The following UGT1A10 variants were observed in gnomAD, a reference collection of about 807,000 sequenced individuals.
UGT1A10 encodes UDP glucuronosyltransferase family 1 member A10, also known as UDP-glucuronosyltransferase 1A10.
In UGT1A10, 49 loss-of-function variants were observed where a neutral mutation model predicts 45.8. That is an observed-to-expected ratio of 1.07 (90% CI 0.85 to 1.36). The LOEUF is 1.36. UGT1A10 is among the 40% of genes most tolerant of loss of function. The pLI is 0.00. For missense variants in UGT1A10, 745 were observed against 668.6 expected (o/e 1.11, Z -1.26); for synonymous variants, 284 against 249.7 (o/e 1.14, Z -1.29).
intron 1 of UGT1A10, among the ~76,000 whole-genome samples, chr2:233,662,885 T>C (rs1175022297): frequency 6.6e-6 from 1 of 152,076 alleles, no homozygotes; most frequent in Non-Finnish European, 1.5e-5. Context: ...ACTATTAAGA[T>C]TGCTACATGG....
At chr2:233,684,565 T>C (rs1023847969) in intron 1 of UGT1A10, among the ~76,000 whole-genome samples, 1 of 152,232 alleles carries the variant, frequency 6.6e-6, no homozygotes, top group South Asian at 2.1e-4. Flanking sequence ...GAGAGATCTA[T>C]AAAATATGAA....
intron 1 of UGT1A10, chr2:233,681,987 T>A: frequency 6.2e-7 from 1 of 1,614,188 alleles, no homozygotes; most frequent in Non-Finnish European, 8.5e-7. Context: ...GTGTGTCTAC[T>A]GCTGACCTGT....
chr2:233,717,734 G>A lies in UGT1A10; in HGVS notation c.856-49300G>A, dbSNP rs563372947. The stretch of plus-strand genomic sequence containing the variant: ...CCTCATGGGCATGAGACCATTGTGA[G>A]TGCTCAGGGTCTCCCCCTAGAAAGG... On this transcript the variant is annotated intron_variant, in intron 1 of 4. Transcript: ENST00000344644. 8.8e-6 allele frequency: 4 copies of A among 456,274 alleles called. No homozygotes were observed. The East Asian group carries it at 2.1e-4, about 24-fold the overall frequency. 28.3% of individuals were successfully genotyped at this position (456,274 alleles called of 1,614,324 possible). A position where few individuals can be genotyped will look rare whatever the true frequency, so the allele number is the denominator to read the frequency against.
intron 1 of UGT1A10, among the ~76,000 whole-genome samples, chr2:233,704,709 C>T (rs192586332): frequency 2.6e-5 from 4 of 152,180 alleles, no homozygotes; most frequent in African/African-American, 7.2e-5. Flanking sequence ...TTTCTTAGCC[C>T]AATTTGCCTT....
intron 1 of UGT1A10, chr2:233,693,417 T>C: frequency 6.2e-7 from 1 of 1,614,112 alleles, no homozygotes; most frequent in Non-Finnish European, 8.5e-7. Flanking sequence ...ACCCTGAACT[T>C]CTTTAAGGAG....
At chr2:233,742,268 G>C (rs1474936757) in intron 1 of UGT1A10, among the ~76,000 whole-genome samples, 3 of 152,000 alleles carry the variant, frequency 2.0e-5, no homozygotes, top group African/African-American at 7.3e-5. Flanking sequence ...CAGCAAGCCT[G>C]TGATAAGCAT....
Position 233,760,681 on chromosome 2 carries a change from C to A in UGT1A10, c.856-6353C>A, listed in dbSNP as rs769242961. The A allele has an allele frequency of 2.5e-6, 4 of 1,614,246 alleles. No homozygotes were observed. In the South Asian group the frequency reaches 4.4e-5, roughly 18 times the overall value. On this transcript the variant is annotated intron_variant, in intron 1 of 4. Transcript: ENST00000344644. ...TTTGTCTGGCTGTTCCCACTTACTG[C>A]ACAACAAGGAGCTCATGGCCTCCCT... is the stretch of plus-strand genomic sequence containing the variant.
chr2:233,768,630 A>T (rs1213250960), intron 4 of UGT1A10, among the ~76,000 whole-genome samples, 191 bp downstream of exon 4: 3 of 121,000 alleles, frequency 2.5e-5, no homozygotes, highest in African/African-American at 9.7e-5. Flanking sequence ...TCTGTCACCT[A>T]GGCTGGAGTG....
chr2:233,772,410 C>A lies in UGT1A10; in HGVS notation c.1444C>A (p.Gln482Lys). ...CGCAGCCCACGACCTCACCTGGTAC[C>A]AGTACCATTCCTTGGACGTGATTGG... Reference protein sequence around the residue: ...RPAAHDLTWYQYHSLDVIGFL... With the variant: ...RPAAHDLTWYKYHSLDVIGFL... Residue 482 changes from glutamine to lysine, a missense_variant, in exon 5 of 5, where the codon CAG becomes AAG. Coordinates refer to ENST00000344644, the MANE Select transcript of UGT1A10 (RefSeq NM_019075.4). 1 of 1,614,220 alleles carries A rather than the reference C, an allele frequency of 6.2e-7. No homozygotes were observed. The highest frequency in any genetic ancestry group is 8.5e-7 in the Non-Finnish European group (1 of 1,180,040).
chr2:233,739,854 G>A (rs1377915953), intron 1 of UGT1A10, among the ~76,000 whole-genome samples: 3 of 151,892 alleles, frequency 2.0e-5, no homozygotes, highest in Non-Finnish European at 4.4e-5. Context: ...ATGGGCCAGA[G>A]GGCAGAATGA....
chr2:233,724,135 A>G (rs1575550109), intron 1 of UGT1A10, among the ~76,000 whole-genome samples: 4 of 118,266 alleles, frequency 3.4e-5, no homozygotes, highest in Non-Finnish European at 5.1e-5. Context: ...CACCTCCCGG[A>G]CGGGGCGGCT....
At chr2:233,667,989 A>T (rs12471546) in intron 1 of UGT1A10, among the ~76,000 whole-genome samples, 2,134 of 152,288 alleles carry the variant, frequency 0.014, 49 homozygotes, top group Admixed American at 0.061. Flanking sequence ...GGGTGCAAAA[A>T]ATTGCACTAA....
intron 1 of UGT1A10, chr2:233,717,692 T>TTC: frequency 2.3e-6 from 1 of 443,544 alleles, no homozygotes; most frequent in Non-Finnish European, 4.6e-6. Context: ...AGGAGTGACT[T>TTC]TCTGGAGCAG....
At chr2:233,713,846 G>A in intron 1 of UGT1A10, 6 of 1,614,046 alleles carry the variant, frequency 3.7e-6, no homozygotes, top group Non-Finnish European at 5.1e-6. Context: ...CCAACGGGAA[G>A]CCACTATCTC....
intron 1 of UGT1A10, among the ~76,000 whole-genome samples, chr2:233,737,902 TA>T (rs1468589686): frequency 1.3e-5 from 2 of 152,134 alleles, no homozygotes; most frequent in Non-Finnish European, 2.9e-5. Context: ...TCGAGTGTGG[TA>T]AAGAACAGGC....
At chr2:233,641,596 C>T (rs1384490476) in intron 1 of UGT1A10, among the ~76,000 whole-genome samples, 4 of 152,128 alleles carry the variant, frequency 2.6e-5, no homozygotes, top group Non-Finnish European at 5.9e-5. Context: ...TTACTATTAC[C>T]AGTGAGTTTT....
chr2:233,645,147 G>A (rs907730422), intron 1 of UGT1A10, among the ~76,000 whole-genome samples: 3 of 152,210 alleles, frequency 2.0e-5, no homozygotes, highest in Non-Finnish European at 2.9e-5. Flanking sequence ...ACAAAGCATC[G>A]ATGAAAGCAA....
In UGT1A10 at chr2:233,719,788, G is replaced by T. The variant is rs184331208; in HGVS notation, c.856-47246G>T. 800 of 1,609,458 alleles carry T rather than the reference G, an allele frequency of 5.0e-4. 15 individuals are homozygous for T. The East Asian group carries it at 0.012, about 25-fold the overall frequency. On this transcript the variant is annotated intron_variant, in intron 1 of 4. Transcript: ENST00000344644. ...TTCCATATCTACTTATCTTTCCAAA[G>T]ATTTTATTTTGGCTTCTTTATAACA...
At chr2:233,737,915 A>C (rs986485881) in intron 1 of UGT1A10, among the ~76,000 whole-genome samples, 8 of 152,040 alleles carry the variant, frequency 5.3e-5, no homozygotes, top group Non-Finnish European at 8.8e-5. Context: ...AGAACAGGCT[A>C]GTGTATTTAG....
Sources: gnomAD v4.1 joint callset for allele counts (sites outside exome capture counted in the v4.1 genomes callset) on GRCh38, gnomAD v4.1.1 for gene constraint, MANE v1.5 for transcripts, NCBI Gene and HGNC (gene_info 2026-07-23, HGNC 2026-07-21) for gene names.